Variants in PRKAR2B observed in about 807,000 individuals in gnomAD.
PRKAR2B encodes protein kinase cAMP-dependent type II regulatory subunit beta.
Under a neutral mutation model 49.9 loss-of-function variants are expected in PRKAR2B, and 14 were observed. The observed-to-expected ratio is 0.28, with a 90% CI of 0.19 to 0.44. The LOEUF (loss-of-function observed/expected upper bound fraction) is 0.44. Among genes scored for constraint, PRKAR2B ranks in the 20% least tolerant of loss-of-function variants. The pLI, the probability that PRKAR2B is intolerant of heterozygous loss-of-function variation, is 1.00. For missense variants in PRKAR2B, 393 were observed against 537.9 expected, an observed-to-expected ratio of 0.73 and a Z score of 2.67; for synonymous variants, 196 against 197.7, an observed-to-expected ratio of 0.99 and a Z score of 0.07.
At chr7:107,084,736 T>A (rs958985429) in intron 2 of PRKAR2B, among the ~76,000 whole-genome samples, 22 of 151,780 alleles carry the variant, frequency 1.4e-4, no homozygotes, top group Middle Eastern at 3.4e-3. Flanking sequence ...TTCTCCTGCC[T>A]CAACCTCCCC....
At chr7:107,122,936 A>G (rs1364532153) in intron 3 of PRKAR2B, among the ~76,000 whole-genome samples, 3 of 152,174 alleles carry the variant, frequency 2.0e-5, no homozygotes, top group African/African-American at 2.4e-5. Context: ...AGTTCTTTTC[A>G]TGAAGTTTAT....
At chr7:107,088,619 C>T (rs1406585784) in intron 2 of PRKAR2B, among the ~76,000 whole-genome samples, 2 of 151,974 alleles carry the variant, frequency 1.3e-5, no homozygotes, top group African/African-American at 4.8e-5. Context: ...TATTTTATTT[C>T]GAGACACTCT....
rs2536506 is a variant in PRKAR2B, at chr7:107,078,399, G to T, written c.343+8083G>T. Among the ~76,000 whole-genome samples, 182 of 152,116 alleles carry T rather than the reference G, an allele frequency of 1.2e-3. 1 individual carries two copies. Among genetic ancestry groups the T allele is most frequent in the African/African-American group, 4.0e-3 (164 of 41,492 alleles). ...GGGAGGTGGGAAGACAGGATGGAAG[G>T]TGGGACTGGGACCTAAGGAGGTTCT... On this transcript the variant is annotated intron_variant, in intron 2 of 10. Transcript: ENST00000265717.
At chr7:107,089,789 C>T (rs1428086331) in intron 2 of PRKAR2B, among the ~76,000 whole-genome samples, 4 of 152,200 alleles carry the variant, frequency 2.6e-5, no homozygotes, top group Admixed American at 6.5e-5. Context: ...TGCAGACTAT[C>T]ATTTACATTC....
At chr7:107,141,620 A>G (rs1379513778) in intron 5 of PRKAR2B, among the ~76,000 whole-genome samples, 3 of 152,346 alleles carry the variant, frequency 2.0e-5, no homozygotes, top group African/African-American at 7.2e-5. Context: ...TGAACCCGGC[A>G]GGTGGAGGTT....
Position 107,044,827 on chromosome 7 carries a change from C to T in PRKAR2B, c.-81C>T. The T allele has an allele frequency of 1.7e-6, 2 of 1,174,676 alleles. No individual in the cohort carries two copies. The highest frequency in any genetic ancestry group is 2.2e-6 in the Non-Finnish European group (2 of 921,986). 72.8% of individuals were successfully genotyped at this position (1,174,676 alleles called of 1,614,324 possible). On this transcript the variant is annotated 5_prime_UTR_variant, in exon 1 of 11. Transcript: ENST00000265717. ...GTAGCGCGCCAGCGCCGTAGGCGCT[C>T]GCTCGGCAGCCGCGGGGCCCTAGGC...
At chr7:107,051,196 A>AT (rs1354233421) in intron 1 of PRKAR2B, among the ~76,000 whole-genome samples, 1 of 152,168 alleles carries the variant, frequency 6.6e-6, no homozygotes, top group East Asian at 1.9e-4. Flanking sequence ...CATCATATGA[A>AT]TTTTTTCTGT....
At position 107,140,886 on chromosome 7, in the gene PRKAR2B, T is replaced by A. The variant is rs1396204031; in HGVS notation, c.520T>A (p.Leu174Met). The A allele has an allele frequency of 1.9e-6, 3 of 1,612,510 alleles. No individual in the cohort carries two copies. In the South Asian group the frequency reaches 3.3e-5, roughly 18 times the overall value. The part of the protein sequence containing the change: ...SQVLDAMFEK[L>M]VKDGEHVIDQ... Reference sequence around the variant, plus strand: ...AGTATTAGATGCCATGTTTGAAAAATTGGTCAAAGATGGGGAGCATGTAAT... The same window carrying A: ...AGTATTAGATGCCATGTTTGAAAAAATGGTCAAAGATGGGGAGCATGTAAT... Residue 174 changes from leucine (L) to methionine (M), a missense_variant, in exon 5 of 11, where the codon TTG becomes ATG. Coordinates refer to ENST00000265717, the MANE Select transcript of PRKAR2B (RefSeq NM_002736.3).
At chr7:107,141,750 A>T (rs992724353) in intron 5 of PRKAR2B, among the ~76,000 whole-genome samples, 1 of 152,226 alleles carries the variant, frequency 6.6e-6, no homozygotes, top group Non-Finnish European at 1.5e-5. Flanking sequence ...TCACAGGGGC[A>T]TAAGGTGAAA....
chr7:107,080,686 C>CT (rs1365971067), intron 2 of PRKAR2B, among the ~76,000 whole-genome samples: 1 of 152,154 alleles, frequency 6.6e-6, no homozygotes, highest in Non-Finnish European at 1.5e-5. Flanking sequence ...CTAAACTTTC[C>CT]TTAAGGCTAA....
At chr7:107,076,048 C>T (rs567870026) in intron 2 of PRKAR2B, among the ~76,000 whole-genome samples, 1 of 152,084 alleles carries the variant, frequency 6.6e-6, no homozygotes, top group South Asian at 2.1e-4. Flanking sequence ...GAAAAAGTTA[C>T]CCTTCTAGAA....
In PRKAR2B at chr7:107,065,335, T is replaced by C. The variant is rs1794115929; in HGVS notation, c.308-4946T>C. Among the ~76,000 whole-genome samples, 3 of 24,902 alleles carry C rather than the reference T, an allele frequency of 1.2e-4. No homozygotes were observed. In the South Asian group the frequency reaches 6.5e-3, roughly 54 times the overall value. The allele number at this position is 24,902 out of a possible 152,430, so 16.3% of individuals were successfully genotyped here. A position where few individuals can be genotyped will look rare whatever the true frequency, so the allele number is the denominator to read the frequency against. On this transcript the variant is annotated intron_variant, in intron 1 of 10. Coordinates refer to ENST00000265717, the MANE Select transcript of PRKAR2B (RefSeq NM_002736.3). ...CGGGGTGTGTGTATGTGTGTGTGTGTGTGTGTGTGTGTGTGTGTGTGTGTG... is the reference window on the plus strand; with the variant it reads ...CGGGGTGTGTGTATGTGTGTGTGTGCGTGTGTGTGTGTGTGTGTGTGTGTG...
intron 4 of PRKAR2B, among the ~76,000 whole-genome samples, chr7:107,134,787 A>G (rs1307953337): frequency 6.6e-6 from 1 of 152,200 alleles, no homozygotes; most frequent in Non-Finnish European, 1.5e-5. Context: ...GGATATCCAC[A>G]CACAAAACAA....
chr7:107,064,906 A>G (rs1021617261), intron 1 of PRKAR2B, among the ~76,000 whole-genome samples: 3 of 152,176 alleles, frequency 2.0e-5, no homozygotes, highest in African/African-American at 7.2e-5. Flanking sequence ...AAAATTTTCA[A>G]GTTTTGTTGT....
intron 2 of PRKAR2B, among the ~76,000 whole-genome samples, chr7:107,110,668 A>G (rs1795153196): frequency 6.6e-6 from 1 of 152,022 alleles, no homozygotes; most frequent in Non-Finnish European, 1.5e-5. Flanking sequence ...ACCCAGGGCC[A>G]GAAGGGAACC....
In PRKAR2B at chr7:107,045,070, G is replaced by C; in HGVS notation, c.163G>C (p.Gly55Arg). 1.3e-6 allele frequency: 2 copies of C among 1,541,200 alleles called. No individual in the cohort carries two copies. The highest frequency in any genetic ancestry group is 1.7e-6 in the Non-Finnish European group (2 of 1,147,662). Residue 55 changes from glycine (G) to arginine (R), a missense_variant, in exon 1 of 11, where the codon GGC becomes CGC. This residue lies in a region of PRKAR2B where 160 missense variants were observed against 147.6 expected (regional missense o/e 1.08). Transcript: ENST00000265717. ...AGGCACCGCGCGCTTCGGCCATGAG[G>C]GCAGGACCTGGGGGGACCTGGGCGC... ...RKGTARFGHE[G>R]RTWGDLGAAA...
chr7:107,142,836 C>T lies in PRKAR2B; in HGVS notation c.587+1883C>T, dbSNP rs914010118. ...GGAGTGCAGTGGTGCGATCTCGACCCACTGCAACCTCTGCCTCCCAGTTTC... is the reference window on the plus strand; with the variant it reads ...GGAGTGCAGTGGTGCGATCTCGACCTACTGCAACCTCTGCCTCCCAGTTTC... On this transcript the variant is annotated intron_variant, in intron 5 of 10. Coordinates refer to ENST00000265717, the MANE Select transcript of PRKAR2B (RefSeq NM_002736.3). Among the ~76,000 whole-genome samples the T allele has an allele frequency of 2.0e-5, 3 of 152,082 alleles. No homozygotes were observed. In the South Asian group the frequency reaches 6.2e-4, roughly 32 times the overall value.
intron 2 of PRKAR2B, among the ~76,000 whole-genome samples, chr7:107,071,110 A>G (rs1794264757): frequency 6.6e-6 from 1 of 152,214 alleles, no homozygotes. Flanking sequence ...TCTCTGTGTA[A>G]GAGGACAAAT....
chr7:107,145,068 C>G (rs181260390), intron 5 of PRKAR2B, among the ~76,000 whole-genome samples: 10 of 152,048 alleles, frequency 6.6e-5, no homozygotes, highest in Admixed American at 2.0e-4. Context: ...AGATAAGCAC[C>G]AAAAAACTAT....
Sources: gnomAD v4.1 joint callset for allele counts (sites outside exome capture counted in the v4.1 genomes callset) on GRCh38, gnomAD v4.1.1 for gene constraint, gnomAD v4.1.1 regional missense constraint, MANE v1.5 for transcripts, NCBI Gene and HGNC (gene_info 2026-07-23, HGNC 2026-07-21) for gene names.